The following RNF217 variants were observed in gnomAD, a reference collection of about 807,000 sequenced individuals.
RNF217 encodes E3 ubiquitin-protein ligase RNF217.
A neutral mutation model predicts 57.8 loss-of-function variants in RNF217; 31 were observed. The observed-to-expected ratio is 0.54, with a 90% CI of 0.40 to 0.72. The LOEUF (loss-of-function observed/expected upper bound fraction) is 0.72, where lower values mean the gene tolerates loss of function less well. RNF217 is among the 30% of genes least tolerant of loss of function. The pLI is 0.00. For synonymous variants in RNF217, 313 were observed against 294.0 expected, an observed-to-expected ratio of 1.06 and a Z score of -0.66; for missense variants, 696 against 708.3, an observed-to-expected ratio of 0.98 and a Z score of 0.20.
chr6:125,077,891 G>A (rs983865761), intron 4 of RNF217, among the ~76,000 whole-genome samples: 3 of 152,050 alleles, frequency 2.0e-5, no homozygotes, highest in Non-Finnish European at 4.4e-5. Flanking sequence ...TTCCTCCTTA[G>A]AAGCATATGA....
chr6:125,082,758 T>C, intron 5 of RNF217, 106 bp from the exon 6 acceptor site: 2 of 1,141,378 alleles, frequency 1.8e-6, no homozygotes, highest in Non-Finnish European at 2.5e-6. Flanking sequence ...AGATGTCTTC[T>C]TCTTTGTATG....
intron 1 of RNF217, among the ~76,000 whole-genome samples, chr6:125,043,423 G>GC (rs1786964184): frequency 6.6e-6 from 1 of 151,884 alleles, no homozygotes; most frequent in African/African-American, 2.4e-5. Flanking sequence ...TACTTCTCCT[G>GC]AAAACCTGTA....
intron 5 of RNF217, 98 bp downstream of exon 5, chr6:125,081,605 C>T (rs755962968): frequency 1.4e-5 from 14 of 971,010 alleles, no homozygotes; most frequent in South Asian, 3.1e-5. Context: ...ATTAAGTGGA[C>T]ATAATTTATG....
chr6:124,983,963 G>T (rs935704926), intron 1 of RNF217, among the ~76,000 whole-genome samples: 2 of 152,070 alleles, frequency 1.3e-5, no homozygotes, highest in African/African-American at 2.4e-5. Flanking sequence ...GCATCCTCAC[G>T]TGACAGAAGG....
At chr6:125,033,835 T>G (rs1178250614) in intron 1 of RNF217, among the ~76,000 whole-genome samples, 1 of 152,032 alleles carries the variant, frequency 6.6e-6, no homozygotes, top group Non-Finnish European at 1.5e-5. Context: ...TTCCTATTTC[T>G]CCACATCCTC....
chr6:125,039,678 A>G (rs1163208351), intron 1 of RNF217, among the ~76,000 whole-genome samples: 1 of 152,206 alleles, frequency 6.6e-6, no homozygotes, highest in Non-Finnish European at 1.5e-5. Context: ...CTTATTCTAA[A>G]ATCAACCACA....
chr6:125,052,284 TTG>T (rs368469313), intron 2 of RNF217, among the ~76,000 whole-genome samples: 1,583 of 142,708 alleles, frequency 0.011, 13 homozygotes, highest in African/African-American at 0.025. Flanking sequence ...GTCATGCGTT[TTG>T]TGTGTGTGTG....
intron 3 of RNF217, among the ~76,000 whole-genome samples, chr6:125,075,330 A>G (rs933755239): frequency 3.9e-5 from 6 of 152,150 alleles, no homozygotes; most frequent in Non-Finnish European, 8.8e-5. Flanking sequence ...GTATTAGTCC[A>G]TTATCATGCT....
At chr6:125,033,243 T>C (rs1786440151) in intron 1 of RNF217, among the ~76,000 whole-genome samples, 1 of 151,136 alleles carries the variant, frequency 6.6e-6, no homozygotes, top group Non-Finnish European at 1.5e-5. Flanking sequence ...GTGCACAATG[T>C]GCAGGTTAGT....
chr6:125,065,308 A>AC (rs1787897828), intron 3 of RNF217, among the ~76,000 whole-genome samples: 1 of 151,658 alleles, frequency 6.6e-6, no homozygotes, highest in Non-Finnish European at 1.5e-5. Context: ...AAAAAAAAAA[A>AC]AAGTCATGGA....
At chr6:125,081,728 T>C (rs1262804370) in intron 5 of RNF217, among the ~76,000 whole-genome samples, 1 of 152,132 alleles carries the variant, frequency 6.6e-6, no homozygotes, top group Non-Finnish European at 1.5e-5. Flanking sequence ...CTGTGATTCA[T>C]GTACCTTATA....
intron 3 of RNF217, among the ~76,000 whole-genome samples, chr6:125,062,149 G>T (rs1207765841): frequency 6.6e-6 from 1 of 151,884 alleles, no homozygotes; most frequent in Non-Finnish European, 1.5e-5. Flanking sequence ...TGTTAAATTT[G>T]CTAATCTAAG....
intron 1 of RNF217, among the ~76,000 whole-genome samples, chr6:124,965,837 C>T (rs1302654081): frequency 6.6e-6 from 1 of 152,138 alleles, no homozygotes; most frequent in African/African-American, 2.4e-5. Context: ...TTTTTATTTT[C>T]TCCATAGCAC....
At chr6:125,009,461 T>A in intron 1 of RNF217, 1 of 479,808 alleles carries the variant, frequency 2.1e-6, no homozygotes, top group Non-Finnish European at 3.7e-6. Flanking sequence ...CTAGAAAGAA[T>A]GTAAGAAGGC....
intron 1 of RNF217, among the ~76,000 whole-genome samples, chr6:124,969,002 G>T (rs1783659406): frequency 6.6e-6 from 1 of 152,140 alleles, no homozygotes. Context: ...AGCCTTGTTG[G>T]CAGTATTTTC....
intron 1 of RNF217, among the ~76,000 whole-genome samples, chr6:125,041,706 G>A (rs1786888436): frequency 6.6e-6 from 1 of 151,994 alleles, no homozygotes; most frequent in African/African-American, 2.4e-5. Flanking sequence ...CTTCCATGAT[G>A]TGTAGTTCAT....
At chr6:125,009,934 T>C (rs569114263) in intron 1 of RNF217, among the ~76,000 whole-genome samples, 82 of 152,216 alleles carry the variant, frequency 5.4e-4, no homozygotes, top group Non-Finnish European at 9.3e-4. Flanking sequence ...GGTTCATGCT[T>C]GTCGTTTTCT....
chr6:125,051,200 A>T (rs1787301948), intron 2 of RNF217, among the ~76,000 whole-genome samples: 1 of 152,012 alleles, frequency 6.6e-6, no homozygotes, highest in South Asian at 2.1e-4. Flanking sequence ...ACCTAAAAAA[A>T]CAAACTATAG....
intron 3 of RNF217, among the ~76,000 whole-genome samples, chr6:125,074,238 A>G (rs1263937034): frequency 6.6e-6 from 1 of 152,148 alleles, no homozygotes; most frequent in Non-Finnish European, 1.5e-5. Context: ...TTACTTCTTC[A>G]AAATGATCAC....
Sources: gnomAD v4.1 joint callset for allele counts (sites outside exome capture counted in the v4.1 genomes callset) on GRCh38, gnomAD v4.1.1 for gene constraint, MANE v1.5 for transcripts, NCBI Gene and HGNC (gene_info 2026-07-23, HGNC 2026-07-21) for gene names.